The following FHIT variants were observed in gnomAD, a reference collection of about 807,000 sequenced individuals.
FHIT encodes the protein bis(5'-adenosyl)-triphosphatase.
In FHIT, 19 loss-of-function variants were observed where a neutral mutation model predicts 17.9. That is an observed-to-expected ratio of 1.06 (90% CI 0.74 to 1.56). FHIT has a LOEUF of 1.56. Ranked by LOEUF, FHIT falls within the 40% of genes most tolerant of loss-of-function variation. The pLI is 0.00. For synonymous variants in FHIT, 81 were observed against 69.7 expected, an observed-to-expected ratio of 1.16 and a Z score of -0.81; for missense variants, 248 against 189.2, an observed-to-expected ratio of 1.31 and a Z score of -1.82.
Position 60,613,337 on chromosome 3 carries a change from G to T in FHIT, c.-17-76358C>A, listed in dbSNP as rs73836664. Among the ~76,000 whole-genome samples, 300 of 152,296 alleles carry T rather than the reference G, an allele frequency of 2.0e-3. 2 individuals are homozygous for T. The highest frequency in any genetic ancestry group is 7.1e-3 in the African/African-American group (294 of 41,562). The stretch of plus-strand genomic sequence containing the variant: ...AGCCACCACTGCTGAGGCAGGGAGG[G>T]ATGGCCTGGTGATACACAGGAAAGG... On this transcript the variant is annotated intron_variant, in intron 4 of 9. Transcript: ENST00000492590.
chr3:60,113,701 A>G (rs1281962749), intron 5 of FHIT, among the ~76,000 whole-genome samples: 1 of 151,514 alleles, frequency 6.6e-6, no homozygotes, highest in Non-Finnish European at 1.5e-5. Flanking sequence ...AACATGATCA[A>G]TGATAAATTT....
intron 5 of FHIT, among the ~76,000 whole-genome samples, chr3:60,418,422 A>G (rs1253558927): frequency 0.19 from 5,893 of 30,610 alleles, 717 homozygotes; most frequent in Non-Finnish European, 0.29. Flanking sequence ...ATATATATAT[A>G]TATACGTGTA....
chr3:61,103,020 AT>A (rs1015407301), intron 2 of FHIT, among the ~76,000 whole-genome samples: 3 of 152,078 alleles, frequency 2.0e-5, no homozygotes, highest in Non-Finnish European at 4.4e-5. Context: ...GGATTCATTG[AT>A]TTTTTGAAGG....
intron 5 of FHIT, among the ~76,000 whole-genome samples, chr3:60,067,236 T>C (rs1022776227): frequency 2.6e-5 from 4 of 152,206 alleles, no homozygotes; most frequent in Non-Finnish European, 4.4e-5. Flanking sequence ...ATGGCACTTA[T>C]AGATACATTT....
chr3:60,560,757 T>G (rs556918033), intron 4 of FHIT, among the ~76,000 whole-genome samples: 83 of 151,102 alleles, frequency 5.5e-4, no homozygotes, highest in Non-Finnish European at 1.2e-3. Flanking sequence ...TCCACTGGCA[T>G]GTTGTCACCA....
chr3:60,884,813 GA>G (rs1464559619), intron 3 of FHIT, among the ~76,000 whole-genome samples: 1 of 151,042 alleles, frequency 6.6e-6, no homozygotes, highest in Non-Finnish European at 1.5e-5. Flanking sequence ...ACCAAAGTGG[GA>G]AGATCGCTTG....
chr3:60,744,251 A>AC (rs2042299454), intron 4 of FHIT, among the ~76,000 whole-genome samples: 1 of 67,614 alleles, frequency 1.5e-5, no homozygotes, highest in Non-Finnish European at 2.7e-5. Context: ...TAATGTAAAA[A>AC]AAAAAACAAA....
chr3:60,885,981 A>G (rs1705204328), intron 3 of FHIT, among the ~76,000 whole-genome samples: 1 of 152,194 alleles, frequency 6.6e-6, no homozygotes, highest in African/African-American at 2.4e-5. Flanking sequence ...ATAAAAGCTC[A>G]ATGAGAGCAA....
intron 5 of FHIT, among the ~76,000 whole-genome samples, chr3:60,320,149 C>T (rs951715412): frequency 3.3e-5 from 5 of 152,122 alleles, no homozygotes; most frequent in Middle Eastern, 3.2e-3. Flanking sequence ...AGAAAACTAT[C>T]CAAGTACGTT....
chr3:60,145,601 C>T (rs995769757), intron 5 of FHIT, among the ~76,000 whole-genome samples: 16 of 152,250 alleles, frequency 1.1e-4, no homozygotes, highest in East Asian at 1.9e-4. Context: ...TTATCAGCAA[C>T]GGAAACAAAC....
intron 8 of FHIT, among the ~76,000 whole-genome samples, chr3:59,902,919 G>T (rs1704399249): frequency 6.6e-6 from 1 of 152,122 alleles, no homozygotes; most frequent in African/African-American, 2.4e-5. Flanking sequence ...CTTGAAATTT[G>T]CTGAGAGAGT....
At chr3:59,792,933 C>T (rs758766140) in intron 8 of FHIT, among the ~76,000 whole-genome samples, 75 of 151,154 alleles carry the variant, frequency 5.0e-4, no homozygotes, top group Non-Finnish European at 2.5e-4. Context: ...GTGCTCCTCT[C>T]TGAAGCTCCA....
intron 4 of FHIT, chr3:60,732,079 G>A (rs1176039528): frequency 5.1e-6 from 3 of 590,160 alleles, no homozygotes; most frequent in Non-Finnish European, 9.2e-6. Context: ...CAAATGGGGT[G>A]GAGGGGTAGT....
chr3:59,865,800 A>T (rs1041793934), intron 8 of FHIT, among the ~76,000 whole-genome samples: 2 of 152,160 alleles, frequency 1.3e-5, no homozygotes, highest in African/African-American at 4.8e-5. Flanking sequence ...TCCACAACCA[A>T]CAGTCTAGGG....
At chr3:60,105,095 T>A (rs1559636113) in intron 5 of FHIT, among the ~76,000 whole-genome samples, 1 of 152,186 alleles carries the variant, frequency 6.6e-6, no homozygotes, top group Non-Finnish European at 1.5e-5. Flanking sequence ...CAATTTTTAA[T>A]TAAGATCACT....
rs951539204 is a variant in FHIT at position 61,097,044 on chromosome 3, A to C, written c.-163-54945T>G. Among the ~76,000 whole-genome samples, 4 of 144,912 alleles carry C rather than the reference A, an allele frequency of 2.8e-5. No individual in the cohort carries two copies. The East Asian group carries it at 6.2e-4, about 23-fold the overall frequency. On this transcript the variant is annotated intron_variant, in intron 2 of 9. Coordinates refer to ENST00000492590, the MANE Select transcript of FHIT (RefSeq NM_002012.4). ...CTGTGAACTGAGATTGCACCAATGCACTTCAGCCTAGGCAACAGAGTGAGA... is the reference window on the plus strand; with the variant it reads ...CTGTGAACTGAGATTGCACCAATGCCCTTCAGCCTAGGCAACAGAGTGAGA...
At chr3:59,929,363 G>GT (rs869243844) in intron 7 of FHIT, among the ~76,000 whole-genome samples, 5,185 of 67,156 alleles carry the variant, frequency 0.077, 405 homozygotes, top group African/African-American at 0.18. Context: ...TGTTTTTTTG[G>GT]TTTTTTTTTT....
At chr3:60,163,975 CAG>C (rs1413090700) in intron 5 of FHIT, among the ~76,000 whole-genome samples, 1 of 152,128 alleles carries the variant, frequency 6.6e-6, no homozygotes, top group Non-Finnish European at 1.5e-5. Flanking sequence ...TTCTTAAAGG[CAG>C]AGACAGTGCT....
chr3:60,309,268 C>T (rs1708827177), intron 5 of FHIT, among the ~76,000 whole-genome samples: 1 of 151,914 alleles, frequency 6.6e-6, no homozygotes, highest in Admixed American at 6.6e-5. Context: ...ACATAAAGTG[C>T]TGTGTAAAAA....
Sources: allele counts gnomAD v4.1 joint callset (sites outside exome capture counted in the v4.1 genomes callset), GRCh38; gene constraint gnomAD v4.1.1; transcripts MANE v1.5; gene names NCBI Gene and HGNC (gene_info 2026-07-23, HGNC 2026-07-21).